Variants in GSTA5 observed in about 807,000 individuals in gnomAD.
GSTA5 encodes glutathione S-transferase A5.
Under a neutral mutation model 21.8 loss-of-function variants are expected in GSTA5, and 25 were observed. The ratio of observed to expected loss-of-function variants is 1.14; its 90% CI spans 0.83 to 1.60. The LOEUF (loss-of-function observed/expected upper bound fraction) is 1.60, where lower values mean the gene tolerates loss of function less well. Among genes scored for constraint, GSTA5 ranks in the 40% most tolerant of loss-of-function variants. GSTA5 has a pLI of 0.00. For synonymous variants in GSTA5, 102 were observed against 89.5 expected, an observed-to-expected ratio of 1.14 and a Z score of -0.78; for missense variants, 330 against 259.2, an observed-to-expected ratio of 1.27 and a Z score of -1.88.
At position 52,833,100 on chromosome 6, in the gene GSTA5, C is replaced by CA. The variant is rs965526043; in HGVS notation, c.415-111dup. On this transcript the variant is annotated intron_variant, in intron 4 of 5. Transcript: ENST00000370989. ...TTTTCCCACCTCTGTTGCCTTATTG[C>CA]ATGGGTGCAGAAATCCCAAGCTTTC... 6.9e-5 allele frequency: 84 copies of CA among 1,221,068 alleles called. No individual in the cohort carries two copies. In the African/African-American group the frequency reaches 1.1e-3, roughly 15 times the overall value. 75.6% of individuals were successfully genotyped at this position (1,221,068 alleles called of 1,614,324 possible).
At chr6:52,842,038 T>G (rs560958796), upstream of GSTA5, among the ~76,000 whole-genome samples, 1 of 152,332 alleles carries the variant, frequency 6.6e-6, no homozygotes, top group Non-Finnish European at 1.5e-5. Context: ...ATTGTGTGTA[T>G]GGATGTTTGC....
At position 52,837,574 on chromosome 6, in the gene GSTA5, C is replaced by T. The variant is rs757985157; in HGVS notation, c.123G>A (p.Leu41=). The change falls in exon 2 of 6, where the codon TTG becomes TTA. Residue 41 remains leucine (L), a synonymous_variant. Coordinates refer to ENST00000370989, the Ensembl canonical transcript of GSTA5. ...TGATCTTACCATTTCTTAACTTGTC[C>T]AAATCTTCTGCAGATTCTAGAAATT... 3.1e-6 allele frequency: 5 copies of T among 1,607,652 alleles called. No homozygotes were observed. The East Asian group carries it at 6.7e-5, about 22-fold the overall frequency.
At chr6:52,843,632 C>G (rs1764413938), upstream of GSTA5, among the ~76,000 whole-genome samples, 1 of 152,282 alleles carries the variant, frequency 6.6e-6, no homozygotes, top group Non-Finnish European at 1.5e-5. Context: ...TGAAATCATA[C>G]TGAATCAACT....
intron 1 of GSTA5, among the ~76,000 whole-genome samples, chr6:52,839,076 G>C (rs147055622): frequency 8.5e-5 from 13 of 152,278 alleles, no homozygotes; most frequent in Admixed American, 3.9e-4. Context: ...GGTCATGGGG[G>C]TGTGTGCCAG....
chr6:52,843,619 C>A (rs1475486205), upstream of GSTA5, among the ~76,000 whole-genome samples: 2 of 152,130 alleles, frequency 1.3e-5, no homozygotes, highest in Non-Finnish European at 2.9e-5. Context: ...GTAAAGAATT[C>A]TTTGAAATCA....
chr6:52,834,958 T>C (rs1316799705), intron 3 of GSTA5, among the ~76,000 whole-genome samples: 1 of 152,228 alleles, frequency 6.6e-6, no homozygotes, highest in African/African-American at 2.4e-5. Context: ...ACTTTTCTTC[T>C]TTTGTGTCAA....
upstream of GSTA5, among the ~76,000 whole-genome samples, chr6:52,842,535 A>G (rs1033176855): frequency 6.6e-6 from 1 of 150,832 alleles, no homozygotes; most frequent in African/African-American, 2.4e-5. Flanking sequence ...CCTCCCAAGT[A>G]GCTTGGATTA....
At chr6:52,836,049 C>T (rs1190557200) in intron 3 of GSTA5, among the ~76,000 whole-genome samples, 187 bp downstream of exon 3, 1 of 152,146 alleles carries the variant, frequency 6.6e-6, no homozygotes, top group African/African-American at 2.4e-5. Context: ...ATCACCCTTG[C>T]CTGAACCCTC....
At chr6:52,839,324 C>G (rs1011738021) in intron 1 of GSTA5, among the ~76,000 whole-genome samples, 2 of 152,202 alleles carry the variant, frequency 1.3e-5, no homozygotes, top group East Asian at 3.9e-4. Flanking sequence ...CTTGCCCCTC[C>G]CTCCCTCCTG....
intron 3 of GSTA5, among the ~76,000 whole-genome samples, chr6:52,834,974 A>G (rs995691121): frequency 2.0e-5 from 3 of 152,196 alleles, no homozygotes; most frequent in Non-Finnish European, 4.4e-5. Context: ...GTCAAACTAG[A>G]GTTTCACAAT....
chr6:52,831,887 C>G, exon 6 of GSTA5: 3 of 1,613,998 alleles, frequency 1.9e-6, no homozygotes, highest in Non-Finnish European at 2.5e-6. Context: ...CTAAAGATTT[C>G]TCATCCATGG....
chr6:52,841,828 A>G (rs146131581), upstream of GSTA5, among the ~76,000 whole-genome samples: 11 of 152,362 alleles, frequency 7.2e-5, no homozygotes, highest in African/African-American at 2.4e-4. Flanking sequence ...TCTGGGATGC[A>G]GACTCACTGC....
intron 2 of GSTA5, among the ~76,000 whole-genome samples, chr6:52,836,844 C>G (rs1764301109): frequency 6.6e-6 from 1 of 152,184 alleles, no homozygotes. Context: ...TCCTGTAGTT[C>G]TTCTTTTTCT....
exon 3 of GSTA5, chr6:52,836,320 A>C (rs776434867): frequency 1.2e-6 from 2 of 1,613,706 alleles, no homozygotes; most frequent in South Asian, 2.2e-5. Flanking sequence ...CACCAGCTTC[A>C]TCCCGTCAAT....
rs34398947 is a variant in GSTA5 at position 52,834,798 on chromosome 6, A to T, written c.273-516T>A. Among the ~76,000 whole-genome samples, 174 of 152,208 alleles carry T rather than the reference A, an allele frequency of 1.1e-3. 2 individuals carry two copies. Among genetic ancestry groups the T allele is most frequent in the South Asian group, 0.011 (52 of 4,814 alleles). ...TCCCAGGGCTCCTGTGCCCCATATT[A>T]GCAGTTCTTCCAATTACACCCATGA... On this transcript the variant is annotated intron_variant, in intron 3 of 5. Transcript: ENST00000370989.
chr6:52,840,654 A>G lies in GSTA5; in HGVS notation c.87+73T>C, dbSNP rs1333934510. 8 of 1,324,964 alleles carry G rather than the reference A, an allele frequency of 6.0e-6. No homozygotes were observed. In the East Asian group the frequency reaches 6.9e-5, roughly 11 times the overall value. The allele number at this position is 1,324,964 out of a possible 1,614,324, so 82.1% of individuals were successfully genotyped here. On this transcript the variant is annotated intron_variant, in intron 1 of 5. Coordinates refer to ENST00000370989, the Ensembl canonical transcript of GSTA5. ...CAATGCTTCAGTAAGTAATCATTGC[A>G]TAGTTTCTGTGGGAAAAGTATGTGA... is the stretch of plus-strand genomic sequence containing the variant.
chr6:52,838,302 C>T (rs2127324652), intron 1 of GSTA5, among the ~76,000 whole-genome samples: 1 of 152,316 alleles, frequency 6.6e-6, no homozygotes, highest in East Asian at 1.9e-4. Flanking sequence ...TGACTTTGGA[C>T]ATGTTACCGA....
At chr6:52,835,011 C>T (rs543242236) in intron 3 of GSTA5, among the ~76,000 whole-genome samples, 7 of 152,268 alleles carry the variant, frequency 4.6e-5, no homozygotes, top group South Asian at 2.1e-4. Context: ...CCTTTATTGA[C>T]GTATGTTCAC....
chr6:52,836,419 T>G, intron 2 of GSTA5, 51 bp from the exon 3 acceptor site: 1 of 1,554,896 alleles, frequency 6.4e-7, no homozygotes, highest in Non-Finnish European at 8.7e-7. Context: ...AAACCCACCC[T>G]TTTGGGATGA....
Sources: allele counts gnomAD v4.1 joint callset (sites outside exome capture counted in the v4.1 genomes callset), GRCh38; gene constraint gnomAD v4.1.1; transcripts MANE v1.5; gene names NCBI Gene and HGNC (gene_info 2026-07-23, HGNC 2026-07-21).